Variants in MAGI2 observed in about 807,000 individuals in gnomAD.
The protein encoded by MAGI2 is membrane associated guanylate kinase, WW and PDZ domain containing 2.
In MAGI2, 35 loss-of-function variants were observed where a neutral mutation model predicts 133.3. The observed-to-expected ratio is 0.26, with a 90% CI of 0.20 to 0.35. The LOEUF (loss-of-function observed/expected upper bound fraction) is 0.35, where lower values mean the gene tolerates loss of function less well. MAGI2 is among the 10% of genes least tolerant of loss of function. The probability of loss-of-function intolerance (pLI) is 1.00; values close to 1 mark genes in which losing one functional copy is unlikely to be tolerated. For synonymous variants in MAGI2, 729 were observed against 710.6 expected (o/e 1.03, Z -0.41); for missense variants, 1,636 against 1,863.4 (o/e 0.88, Z 2.25).
intron 1 of MAGI2, among the ~76,000 whole-genome samples, chr7:79,288,233 T>C (rs1266360531): frequency 6.6e-6 from 1 of 152,170 alleles, no homozygotes; most frequent in Admixed American, 6.6e-5. Flanking sequence ...TTGCTATGCT[T>C]CAGCTTCTTC....
At chr7:78,272,914 T>C (rs1195977096) in intron 9 of MAGI2, among the ~76,000 whole-genome samples, 1 of 152,224 alleles carries the variant, frequency 6.6e-6, no homozygotes, top group Non-Finnish European at 1.5e-5. Context: ...TCTATGTCTT[T>C]TAACTGGAGC....
At chr7:78,690,732 T>A (rs994498222) in intron 2 of MAGI2, among the ~76,000 whole-genome samples, 2 of 152,222 alleles carry the variant, frequency 1.3e-5, no homozygotes. Flanking sequence ...AAAACATTAC[T>A]ACTGGCCTCT....
intron 6 of MAGI2, among the ~76,000 whole-genome samples, chr7:78,391,409 A>G (rs766421761): frequency 3.0e-4 from 46 of 152,346 alleles, no homozygotes; most frequent in Middle Eastern, 3.4e-3. Context: ...ATGATAAGGA[A>G]ATATGGATAT....
chr7:78,843,264 G>A (rs1213759337), intron 2 of MAGI2, among the ~76,000 whole-genome samples: 1 of 151,832 alleles, frequency 6.6e-6, no homozygotes, highest in Non-Finnish European at 1.5e-5. Flanking sequence ...TTGAAATATA[G>A]CATTTCATTC....
chr7:79,420,590 T>C (rs1322128720), intron 1 of MAGI2, among the ~76,000 whole-genome samples: 1 of 152,014 alleles, frequency 6.6e-6, no homozygotes, highest in African/African-American at 2.4e-5. Flanking sequence ...GTGGTTTCTC[T>C]AGGCACATAT....
chr7:79,120,041 A>G (rs1386330365), intron 1 of MAGI2, among the ~76,000 whole-genome samples: 1 of 152,106 alleles, frequency 6.6e-6, no homozygotes, highest in African/African-American at 2.4e-5. Context: ...TAGTGACTCA[A>G]CTAATTTTGA....
At chr7:78,192,567 C>T (rs1448604173) in intron 12 of MAGI2, among the ~76,000 whole-genome samples, 4 of 146,356 alleles carry the variant, frequency 2.7e-5, no homozygotes, top group African/African-American at 7.6e-5. Context: ...ACAAGCAGAG[C>T]GAACTGATCA....
chr7:78,837,552 A>C (rs1473820655), intron 2 of MAGI2, among the ~76,000 whole-genome samples: 1 of 152,142 alleles, frequency 6.6e-6, no homozygotes, highest in Non-Finnish European at 1.5e-5. Flanking sequence ...TCAGGTAATT[A>C]ATTTCTTTTA....
At chr7:79,228,334 C>T (rs1490732258) in intron 1 of MAGI2, among the ~76,000 whole-genome samples, 4 of 26,308 alleles carry the variant, frequency 1.5e-4, no homozygotes, top group Admixed American at 1.5e-3. Flanking sequence ...CAGAGCAAGA[C>T]CCTGTCTCAA....
chr7:78,688,325 C>G (rs1816597618), intron 2 of MAGI2, among the ~76,000 whole-genome samples: 1 of 152,140 alleles, frequency 6.6e-6, no homozygotes, highest in Admixed American at 6.5e-5. Flanking sequence ...TTGTCTGGCT[C>G]ACTACGATAA....
At chr7:78,633,991 C>T (rs1809349026) in intron 2 of MAGI2, among the ~76,000 whole-genome samples, 1 of 152,110 alleles carries the variant, frequency 6.6e-6, no homozygotes, top group Non-Finnish European at 1.5e-5. Context: ...ACTACAATTT[C>T]ACAAATATCA....
At chr7:78,892,539 T>C (rs1584304570) in intron 2 of MAGI2, among the ~76,000 whole-genome samples, 3 of 152,038 alleles carry the variant, frequency 2.0e-5, no homozygotes, top group South Asian at 2.1e-4. Context: ...GAGATATAGA[T>C]CAATGGAACA....
In MAGI2 at chr7:79,088,634, T is replaced by G. The variant is rs536425809; in HGVS notation, c.302-81428A>C. Among the ~76,000 whole-genome samples, 17 of 152,268 alleles carry G rather than the reference T, an allele frequency of 1.1e-4. No homozygotes were observed. The South Asian group carries it at 1.9e-3, about 17-fold the overall frequency. Reference sequence around the variant, plus strand: ...CAGCTTTTGCCTATTCAGTATGATATTGGCTGTGGGTTTGTCATAAATAGC... The same window carrying G: ...CAGCTTTTGCCTATTCAGTATGATAGTGGCTGTGGGTTTGTCATAAATAGC... On this transcript the variant is annotated intron_variant, in intron 1 of 21. Coordinates refer to ENST00000354212, the MANE Select transcript of MAGI2 (RefSeq NM_012301.4).
rs547510229 is a variant in MAGI2, at chr7:78,918,104, G to A, written c.418+88986C>T. On this transcript the variant is annotated intron_variant, in intron 2 of 21. Transcript: ENST00000354212. Reference sequence around the variant, plus strand: ...CTGATTACTTGGCATCTTGGTGACCGTCCCTGTCATGAGTACAAACTTGGG... The same window carrying A: ...CTGATTACTTGGCATCTTGGTGACCATCCCTGTCATGAGTACAAACTTGGG... 1.1e-4 allele frequency among the ~76,000 whole-genome samples: 16 copies of A among 152,254 alleles called. No individual in the cohort carries two copies. The South Asian group carries it at 2.3e-3, about 22-fold the overall frequency.
chr7:79,036,768 A>G (rs1488737470), intron 1 of MAGI2, among the ~76,000 whole-genome samples: 4 of 152,226 alleles, frequency 2.6e-5, no homozygotes, highest in African/African-American at 9.6e-5. Context: ...ATCTAAACTC[A>G]AAGTGAAATA....
At chr7:79,077,830 T>G (rs1436160025) in intron 1 of MAGI2, among the ~76,000 whole-genome samples, 1 of 152,098 alleles carries the variant, frequency 6.6e-6, no homozygotes, top group Non-Finnish European at 1.5e-5. Context: ...TACACTATAG[T>G]CTAATCAGTG....
chr7:79,363,849 TCAAA>T (rs1170941564), intron 1 of MAGI2, among the ~76,000 whole-genome samples: 1 of 151,646 alleles, frequency 6.6e-6, no homozygotes, highest in African/African-American at 2.4e-5. Context: ...TATAAGGAAC[TCAAA>T]CAATTCAAAA....
intron 1 of MAGI2, among the ~76,000 whole-genome samples, chr7:79,314,297 C>G (rs139302109): frequency 1.3e-5 from 2 of 151,782 alleles, no homozygotes; most frequent in Non-Finnish European, 2.9e-5. Context: ...TTTGTAGAGA[C>G]GGGGTTTCAC....
chr7:78,778,057 G>A (rs1826121618), intron 2 of MAGI2, among the ~76,000 whole-genome samples: 1 of 152,174 alleles, frequency 6.6e-6, no homozygotes, highest in Admixed American at 6.5e-5. Flanking sequence ...TTGCATTTCT[G>A]ATCTCATAAT....
Sources: allele counts gnomAD v4.1 joint callset (sites outside exome capture counted in the v4.1 genomes callset), GRCh38; gene constraint gnomAD v4.1.1; transcripts MANE v1.5; gene names NCBI Gene and HGNC (gene_info 2026-07-23, HGNC 2026-07-21).